Variants in DNAH8 observed in about 807,000 individuals in gnomAD.
DNAH8 encodes the protein dynein axonemal heavy chain 8, also known as axonemal beta dynein heavy chain 8.
A neutral mutation model predicts 562.1 loss-of-function variants in DNAH8; 382 were observed. That is an observed-to-expected ratio of 0.68 (90% CI 0.63 to 0.74). The LOEUF (loss-of-function observed/expected upper bound fraction) is 0.74. Among genes scored for constraint, DNAH8 ranks in the 30% least tolerant of loss-of-function variants. DNAH8 has a pLI of 0.00. For missense variants in DNAH8, 5,203 were observed against 5,620.4 expected (o/e 0.93, Z 2.37); for synonymous variants, 1,881 against 1,919.4 (o/e 0.98, Z 0.52).
At chr6:38,907,665 T>C (rs1230333076) in intron 63 of DNAH8, among the ~76,000 whole-genome samples, 1 of 152,176 alleles carries the variant, frequency 6.6e-6, no homozygotes, top group Non-Finnish European at 1.5e-5. Flanking sequence ...TGAGTCAAAG[T>C]ACAGAGGGCA....
intron 80 of DNAH8, among the ~76,000 whole-genome samples, chr6:38,947,750 C>CTTTTTTTTTTTTTTTTTTTTTT (rs34044479): frequency 6.8e-6 from 1 of 146,790 alleles, no homozygotes. Flanking sequence ...AAATCCTCTT[C>CTTTTTTTTTTTTTTTTTTTTTT]TTTTTTTTTT....
chr6:38,892,019 G>A (rs1297833177), intron 58 of DNAH8, among the ~76,000 whole-genome samples: 1 of 152,134 alleles, frequency 6.6e-6, no homozygotes, highest in Non-Finnish European at 1.5e-5. Context: ...TCCTTTAGCA[G>A]CATTTGACCT....
At chr6:38,862,505 T>G (rs768067100) in intron 44 of DNAH8, 47 bp downstream of exon 44, 1 of 1,551,462 alleles carries the variant, frequency 6.4e-7, no homozygotes, top group Non-Finnish European at 8.7e-7. Flanking sequence ...TTATTTTTAT[T>G]GCCTTTTAAT....
chr6:38,832,277 A>G (rs1039262409), intron 30 of DNAH8, 45 bp from the exon 31 acceptor site: 11 of 1,258,012 alleles, frequency 8.7e-6, no homozygotes, highest in African/African-American at 6.0e-5. Context: ...TTTGTTTTTA[A>G]TATGTTACTT....
intron 82 of DNAH8, 24 bp from the exon 83 acceptor site, chr6:38,971,568 A>G (rs1479027631): frequency 1.4e-6 from 2 of 1,447,006 alleles, no homozygotes; most frequent in Non-Finnish European, 1.9e-6. Context: ...GTTTCATCAT[A>G]GTGAACTTTC....
At chr6:38,945,383 T>C in intron 79 of DNAH8, 84 bp from the exon 80 acceptor site, 2 of 1,432,818 alleles carry the variant, frequency 1.4e-6, no homozygotes, top group Non-Finnish European at 1.9e-6. Context: ...AATGTGGCTA[T>C]TTTGCTTTTA....
At position 38,737,134 on chromosome 6, in the gene DNAH8, A is replaced by C. The variant is rs1764161972; in HGVS notation, c.830A>C (p.Asn277Thr). Reference protein sequence around the residue: ...LLNGIRDMLANIFLPAVLATN... With the variant: ...LLNGIRDMLATIFLPAVLATN... ...AATGGAATTAGGGATATGTTGGCAA[A>C]TATATTTCTACCAGCTGTTCTTGCA... Residue 277 changes from asparagine to threonine, a missense_variant, in exon 6 of 93, where the codon AAT (asparagine) becomes ACT (threonine). By Grantham distance (65) the Asn-to-Thr change is moderately conservative. Around this residue, in one of 6 missense-constraint regions of DNAH8, gnomAD observed 556 missense variants for 496.9 expected, o/e 1.12. Coordinates refer to ENST00000327475, the MANE Select transcript of DNAH8 (RefSeq NM_001206927.2). The C allele has an allele frequency of 1.9e-6, 3 of 1,587,126 alleles. No individual in the cohort carries two copies. The highest frequency in any genetic ancestry group is 2.6e-6 in the Non-Finnish European group (3 of 1,168,794).
intron 5 of DNAH8, among the ~76,000 whole-genome samples, chr6:38,736,199 C>T (rs1764072136): frequency 6.6e-6 from 1 of 151,980 alleles, no homozygotes; most frequent in Admixed American, 6.6e-5. Flanking sequence ...TTTCTGCCTT[C>T]TGACCCTTGT....
At chr6:38,970,924 A>G (rs538403116) in intron 82 of DNAH8, among the ~76,000 whole-genome samples, 2 of 152,288 alleles carry the variant, frequency 1.3e-5, no homozygotes, top group African/African-American at 4.8e-5. Flanking sequence ...TAAATGGTGT[A>G]TTATCTCTGG....
At position 38,923,172 on chromosome 6, in the gene DNAH8, G is replaced by A; in HGVS notation, c.10777G>A (p.Ala3593Thr). The A allele has an allele frequency of 6.2e-7, 1 of 1,613,592 alleles. No homozygotes were observed. The change falls in exon 72 of 93, where the codon GCT (alanine) becomes ACT (threonine). Residue 3593 changes from alanine to threonine, a missense_variant. By Grantham distance (58) the Ala-to-Thr change is moderately conservative (BLOSUM62 0). This residue lies in a region of DNAH8 where 1,399 missense variants were observed against 1,518.4 expected (regional missense o/e 0.92). Coordinates refer to ENST00000327475, the MANE Select transcript of DNAH8 (RefSeq NM_001206927.2). ...GACCCAGCAAAGTAAAGAATTCAAAGCTCAGATTAATAGGTGGGAATCTGG... is the reference window on the plus strand; with the variant it reads ...GACCCAGCAAAGTAAAGAATTCAAAACTCAGATTAATAGGTGGGAATCTGG... The part of the protein sequence containing the change: ...RWTQQSKEFK[A>T]QINRLVGDIL...
At chr6:38,831,128 A>G (rs1192488702) in intron 30 of DNAH8, among the ~76,000 whole-genome samples, 1 of 152,244 alleles carries the variant, frequency 6.6e-6, no homozygotes, top group East Asian at 1.9e-4. Flanking sequence ...TATTATATCA[A>G]TGGAAAAGAT....
rs1481915304 is a variant in DNAH8 at position 38,715,911 on chromosome 6, TAAATAA to T, written c.-35+498_-35+503del. The stretch of plus-strand genomic sequence containing the variant: ...GTACCCGAAAAGCTATTAAAATAAA[TAAATAA>T]ATAAATAAATATATATATATATATA... On this transcript the variant is annotated intron_variant, in intron 1 of 92. Transcript: ENST00000327475. Among the ~76,000 whole-genome samples the T allele has an allele frequency of 4.4e-4, 20 of 45,428 alleles. 1 individual carries two copies. The highest frequency in any genetic ancestry group is 2.9e-3 in the African/African-American group (20 of 7,008). The allele number at this position is 45,428 out of a possible 152,430, so 29.8% of individuals were successfully genotyped here. A position where few individuals can be genotyped will look rare whatever the true frequency, so the allele number is the denominator to read the frequency against.
intron 2 of DNAH8, 26 bp from the exon 3 acceptor site, chr6:38,723,311 T>G: frequency 6.3e-7 from 1 of 1,583,552 alleles, no homozygotes; most frequent in Non-Finnish European, 8.5e-7. Flanking sequence ...GAATTGCAAT[T>G]TTTGAACTTG....
rs372199309 is a variant in DNAH8, at chr6:38,989,895, A to G, written c.13054-117A>G. On this transcript the variant is annotated intron_variant, in intron 87 of 92. Transcript: ENST00000327475. The stretch of plus-strand genomic sequence containing the variant: ...TCAGTAGTATTGTTAAAGCATTCTC[A>G]AAATCAATATTAAAAACTCTGTTAA... 12 of 616,722 alleles carry G rather than the reference A, an allele frequency of 1.9e-5. No homozygotes were observed. The Admixed American group carries it at 3.2e-4, about 17-fold the overall frequency. The allele number at this position is 616,722 out of a possible 1,614,324, so 38.2% of individuals were successfully genotyped here.
intron 80 of DNAH8, among the ~76,000 whole-genome samples, chr6:38,948,125 A>T (rs1428920103): frequency 6.6e-6 from 1 of 152,060 alleles, no homozygotes; most frequent in Non-Finnish European, 1.5e-5. Context: ...TCTGTTATTA[A>T]TTTATACTCT....
At chr6:38,941,446 A>G (rs2150602576) in intron 79 of DNAH8, among the ~76,000 whole-genome samples, 1 of 152,274 alleles carries the variant, frequency 6.6e-6, no homozygotes, top group South Asian at 2.1e-4. Flanking sequence ...TTTTTCATGA[A>G]CACAGGTTTT....
chr6:38,789,240 T>A (rs933362527), intron 18 of DNAH8, among the ~76,000 whole-genome samples: 4 of 152,146 alleles, frequency 2.6e-5, no homozygotes, highest in African/African-American at 7.2e-5. Context: ...TGAAACAGTT[T>A]GAAACAGTTT....
chr6:38,815,794 G>T, intron 26 of DNAH8, 137 bp downstream of exon 26: 1 of 824,814 alleles, frequency 1.2e-6, no homozygotes, highest in Non-Finnish European at 1.8e-6. Flanking sequence ...ATAACGTGCA[G>T]GCATTTTTTC....
intron 21 of DNAH8, among the ~76,000 whole-genome samples, chr6:38,802,132 C>A (rs1386630449): frequency 1.3e-5 from 2 of 151,436 alleles, no homozygotes; most frequent in East Asian, 3.9e-4. Context: ...GATGGGGTCT[C>A]GCCATGTTGC....
Sources: allele counts gnomAD v4.1 joint callset (sites outside exome capture counted in the v4.1 genomes callset), GRCh38; gene constraint gnomAD v4.1.1; regional missense constraint gnomAD v4.1.1; transcripts MANE v1.5; gene names NCBI Gene and HGNC (gene_info 2026-07-23, HGNC 2026-07-21).